ZNF184: variants seen among roughly 807,000 people sequenced by gnomAD.
ZNF184 encodes the protein zinc finger protein 184, also known as zinc finger protein 184 (Kruppel-like).
A neutral mutation model predicts 54.4 loss-of-function variants in ZNF184; 16 were observed. That is an observed-to-expected ratio of 0.29 (90% CI 0.20 to 0.45). The LOEUF is 0.45. Among genes scored for constraint, ZNF184 ranks in the 20% least tolerant of loss-of-function variants. The pLI, the probability that ZNF184 is intolerant of heterozygous loss-of-function variation, is 1.00. For synonymous variants in ZNF184, 254 were observed against 295.3 expected, an observed-to-expected ratio of 0.86 and a Z score of 1.43; for missense variants, 681 against 888.2, an observed-to-expected ratio of 0.77 and a Z score of 2.97.
the ZNF184 span, among the ~76,000 whole-genome samples, chr6:27,419,596 G>T: frequency 6.6e-6 from 1 of 152,018 alleles, no homozygotes; most frequent in Admixed American, 6.6e-5. This position sits in a 1 kb window ranked among gnomAD's most constrained non-coding sequence, Gnocchi z 4.8. Flanking sequence ...ATAGATAGAT[G>T]ATGTCTAAAG....
At chr6:27,465,439 C>A (rs867237444) in intron 3 of ZNF184, among the ~76,000 whole-genome samples, 1 of 133,256 alleles carries the variant, frequency 7.5e-6, no homozygotes, top group Non-Finnish European at 1.5e-5. Context: ...GAGCTGAGAT[C>A]GCGCCACTGC....
the ZNF184 span, among the ~76,000 whole-genome samples, chr6:27,424,345 T>C: frequency 2.0e-5 from 3 of 152,146 alleles, no homozygotes; most frequent in East Asian, 1.9e-4. Flanking sequence ...GAACAAAGCT[T>C]CCACAGGGTA....
chr6:27,446,558 T>C (rs145577014), downstream of ZNF184, among the ~76,000 whole-genome samples: 13 of 152,176 alleles, frequency 8.5e-5, no homozygotes, highest in African/African-American at 2.4e-4. Flanking sequence ...ACACAGCCAC[T>C]GCAGAGAGCC....
At chr6:27,459,844 T>C (rs1762954149) in intron 3 of ZNF184, among the ~76,000 whole-genome samples, 1 of 152,202 alleles carries the variant, frequency 6.6e-6, no homozygotes, top group African/African-American at 2.4e-5. Context: ...AAATGATGTA[T>C]ATCTATACGT....
intron 3 of ZNF184, among the ~76,000 whole-genome samples, chr6:27,458,295 T>TAAAAAAAAAAAAAAAAA (rs55966783): frequency 1.6e-5 from 1 of 62,366 alleles, no homozygotes; most frequent in African/African-American, 6.8e-5. Context: ...TTCTGCACAG[T>TAAAAAAAAAAAAAAAAA]AAAAAAAAAA....
At chr6:27,406,155 T>C in the ZNF184 span, 1 of 152,258 alleles carries the variant, frequency 6.6e-6, no homozygotes, top group Non-Finnish European at 1.5e-5. Flanking sequence ...GAAGGCAAAC[T>C]GTTCCTGGCT....
chr6:27,451,070 C>A lies in ZNF184; in HGVS notation c.*233G>T. On this transcript the variant is annotated 3_prime_UTR_variant, in exon 6 of 6. Coordinates refer to ENST00000683788, the MANE Select transcript of ZNF184 (RefSeq NM_001318891.2). ...CCTTTGAAATAATCTACTCCAAATC[C>A]TTCATTCCATAAAGGAAACTAAAGC... The A allele has an allele frequency of 2.3e-6, 1 of 429,882 alleles. No homozygotes were observed. The highest frequency in any genetic ancestry group is 4.1e-6 in the Non-Finnish European group (1 of 246,834). The allele number at this position is 429,882 out of a possible 1,614,324, so 26.6% of individuals were successfully genotyped here. A position where few individuals can be genotyped will look rare whatever the true frequency, so the allele number is the denominator to read the frequency against.
chr6:27,465,625 C>T (rs1008933928), intron 3 of ZNF184, among the ~76,000 whole-genome samples: 3 of 150,570 alleles, frequency 2.0e-5, no homozygotes, highest in African/African-American at 7.3e-5. Flanking sequence ...AATTTCAAGG[C>T]AAAAGATACT....
chr6:27,407,679 C>T, the ZNF184 span: 1 of 667,804 alleles, frequency 1.5e-6, no homozygotes, highest in African/African-American at 1.8e-5. Flanking sequence ...CCTGGATGTC[C>T]ACCTTGGCCT....
At chr6:27,457,950 T>C (rs149749010) in intron 3 of ZNF184, among the ~76,000 whole-genome samples, 65 of 152,184 alleles carry the variant, frequency 4.3e-4, no homozygotes, top group Non-Finnish European at 7.9e-4. Context: ...AGCTTTCAAA[T>C]TGGTTAAAAG....
At chr6:27,467,381 G>T (rs1763165607) in intron 3 of ZNF184, among the ~76,000 whole-genome samples, 1 of 152,070 alleles carries the variant, frequency 6.6e-6, no homozygotes, top group Admixed American at 6.5e-5. Flanking sequence ...GGATCATGAG[G>T]TCAGGAGTTT....
In ZNF184 at chr6:27,453,028, G is replaced by T. The variant is rs1004198374; in HGVS notation, c.531C>A (p.Gly177=). 6.2e-7 allele frequency: 1 copy of T among 1,614,004 alleles called. No homozygotes were observed. The highest frequency in any genetic ancestry group is 1.3e-5 in the African/African-American group (1 of 74,994). ...TEKTIPSWEK[G]PVNNEFGKSV... ...TTTTCCCAAATTCATTATTTACAGG[G>T]CCTTTTTCCCAACTGGGTATTGTCT... Residue 177 remains glycine, a synonymous_variant, in exon 6 of 6, where the codon GGC becomes GGA. Coordinates refer to ENST00000683788, the MANE Select transcript of ZNF184 (RefSeq NM_001318891.2). The surrounding 1 kb of genome is among the most constrained non-coding windows in gnomAD (Gnocchi z 4.7).
chr6:27,452,348 G>T lies in ZNF184; in HGVS notation c.1211C>A (p.Thr404Asn). ...ECGKAFNGPS[T>N]FIRHHMIHTG... ...ATGAATCATATGATGACGGATAAAA[G>T]TTGAGGGCCCGTTGAAGGCCTTTCC... is the stretch of plus-strand genomic sequence containing the variant. The change falls in exon 6 of 6, where the codon ACT becomes AAT. Residue 404 changes from threonine (T) to asparagine (N), a missense_variant. By Grantham distance (65) the Thr-to-Asn change is moderately conservative. Coordinates refer to ENST00000683788, the MANE Select transcript of ZNF184 (RefSeq NM_001318891.2). The surrounding 1 kb of genome is among the most constrained non-coding windows in gnomAD (Gnocchi z 5.5). The T allele has an allele frequency of 6.2e-7, 1 of 1,613,912 alleles. No homozygotes were observed. The highest frequency in any genetic ancestry group is 8.5e-7 in the Non-Finnish European group (1 of 1,179,972).
the ZNF184 span, among the ~76,000 whole-genome samples, chr6:27,411,782 C>T: frequency 4.6e-5 from 7 of 152,240 alleles, no homozygotes; most frequent in Non-Finnish European, 8.8e-5. Context: ...TACAAGGAGG[C>T]TATATCTAGG....
At chr6:27,435,246 G>A in the ZNF184 span, among the ~76,000 whole-genome samples, 3 of 152,136 alleles carry the variant, frequency 2.0e-5, no homozygotes, top group African/African-American at 4.8e-5. Context: ...TTCGGATGAC[G>A]TTTTTCTGTT....
chr6:27,469,846 T>G (rs1241826073), intron 2 of ZNF184, among the ~76,000 whole-genome samples: 1 of 152,168 alleles, frequency 6.6e-6, no homozygotes, highest in Non-Finnish European at 1.5e-5. Context: ...CTCAATATTT[T>G]AGGCATTAAC....
chr6:27,418,220 G>A, the ZNF184 span, among the ~76,000 whole-genome samples: 1 of 152,210 alleles, frequency 6.6e-6, no homozygotes, highest in African/African-American at 2.4e-5. Flanking sequence ...GTAGTCATGA[G>A]GGAGAGCCTA....
the ZNF184 span, among the ~76,000 whole-genome samples, chr6:27,440,603 A>G: frequency 6.6e-6 from 1 of 152,216 alleles, no homozygotes; most frequent in African/African-American, 2.4e-5. Flanking sequence ...GGTGTTGACA[A>G]GGAACTTCAC....
chr6:27,463,536 G>A (rs935489053), intron 3 of ZNF184, among the ~76,000 whole-genome samples: 38 of 152,092 alleles, frequency 2.5e-4, no homozygotes, highest in South Asian at 6.2e-4. Context: ...GGCAGGAGGC[G>A]AAAGATGAGA....
Sources: gnomAD v4.1 joint callset for allele counts (sites outside exome capture counted in the v4.1 genomes callset) on GRCh38, gnomAD v4.1.1 for gene constraint, Gnocchi (gnomAD v3.1) non-coding constraint, MANE v1.5 for transcripts, NCBI Gene and HGNC (gene_info 2026-07-23, HGNC 2026-07-21) for gene names.